Variants in LIG1 observed in about 807,000 individuals in gnomAD.
LIG1 encodes the protein DNA ligase 1, also known as ligase I, DNA, ATP-dependent.
In LIG1, 70 loss-of-function variants were observed where a neutral mutation model predicts 115.7. That is an observed-to-expected ratio of 0.60 (90% CI 0.50 to 0.74). LIG1 has a LOEUF of 0.74. Among genes scored for constraint, LIG1 ranks in the 30% least tolerant of loss-of-function variants. LIG1 has a pLI of 0.00. For missense variants in LIG1, 1,115 were observed against 1,225.6 expected, an observed-to-expected ratio of 0.91 and a Z score of 1.35; for synonymous variants, 487 against 495.3, an observed-to-expected ratio of 0.98 and a Z score of 0.22.
chr19:48,157,236 A>C, intron 4 of LIG1, 96 bp from the exon 5 acceptor site: 1 of 1,361,274 alleles, frequency 7.3e-7, no homozygotes, highest in Non-Finnish European at 1.0e-6. Context: ...CTCTCTGTCT[A>C]CCCTCCTTTC....
intron 19 of LIG1, among the ~76,000 whole-genome samples, chr19:48,128,619 C>T (rs768396544): frequency 2.0e-5 from 3 of 152,208 alleles, no homozygotes; most frequent in African/African-American, 4.8e-5. Context: ...TTTGCATGTG[C>T]CGTTCCCTCT....
intron 9 of LIG1, among the ~76,000 whole-genome samples, 198 bp from the exon 10 acceptor site, chr19:48,144,161 C>A (rs1411224491): frequency 6.6e-6 from 1 of 152,092 alleles, no homozygotes; most frequent in African/African-American, 2.4e-5. Flanking sequence ...ATAAACACAT[C>A]ATTAATTTTA....
intron 15 of LIG1, 61 bp downstream of exon 15, chr19:48,135,973 G>A: frequency 2.2e-6 from 3 of 1,372,532 alleles, no homozygotes; most frequent in Non-Finnish European, 3.0e-6. Context: ...CCTCTGAAGA[G>A]GAGGGGGGAA....
chr19:48,137,459 A>C lies in LIG1; in HGVS notation c.1254+63T>G. 2 of 1,591,602 alleles carry C rather than the reference A, an allele frequency of 1.3e-6. No individual in the cohort carries two copies. Among genetic ancestry groups the C allele is most frequent in the Non-Finnish European group, 1.7e-6 (2 of 1,172,822 alleles). ...TGGTCTACCCAGAAGCCTTCCTGAC[A>C]CACGCGTGGCCTCAGGTCCCCAAGA... On this transcript the variant is annotated intron_variant, in intron 13 of 27. Coordinates refer to ENST00000263274, the MANE Select transcript of LIG1 (RefSeq NM_000234.3). The surrounding 1 kb of genome is among the most constrained non-coding windows in gnomAD (Gnocchi z 4.3).
chr19:48,163,811 G>A (rs532644738), intron 2 of LIG1, among the ~76,000 whole-genome samples: 1 of 152,052 alleles, frequency 6.6e-6, no homozygotes, highest in South Asian at 2.1e-4. Context: ...TGGGTGTGGT[G>A]GCAGGCGCCT....
At chr19:48,136,696 T>G (rs191137695) in intron 14 of LIG1, among the ~76,000 whole-genome samples, 2 of 152,330 alleles carry the variant, frequency 1.3e-5, no homozygotes, top group Non-Finnish European at 2.9e-5. Flanking sequence ...CTCACTGTCA[T>G]GGCAAACAAA....
chr19:48,158,378 G>A (rs1284133508), intron 4 of LIG1, among the ~76,000 whole-genome samples: 1 of 152,096 alleles, frequency 6.6e-6, no homozygotes, highest in Non-Finnish European at 1.5e-5. Flanking sequence ...CTGGGCCTCT[G>A]ACCCTGTGAG....
intron 27 of LIG1, 28 bp downstream of exon 27, chr19:48,115,845 G>A (rs778962963): frequency 1.8e-5 from 28 of 1,599,570 alleles, no homozygotes; most frequent in South Asian, 1.7e-4. Flanking sequence ...GCAGCTGGGC[G>A]GCCCACCCCT....
At chr19:48,160,010 C>T (rs1037706756) in intron 4 of LIG1, among the ~76,000 whole-genome samples, 3 of 152,346 alleles carry the variant, frequency 2.0e-5, no homozygotes, top group Admixed American at 6.5e-5. Context: ...AGCCACCACA[C>T]CCAGCCACTT....
rs367698594 is a variant in LIG1 at position 48,122,839 on chromosome 19, A to C, written c.2232+95T>G. 2 of 1,126,686 alleles carry C rather than the reference A, an allele frequency of 1.8e-6. No homozygotes were observed. The highest frequency in any genetic ancestry group is 3.1e-5 in the African/African-American group (2 of 65,382). 69.8% of individuals were successfully genotyped at this position (1,126,686 alleles called of 1,614,324 possible). On this transcript the variant is annotated intron_variant, in intron 23 of 27. Transcript: ENST00000263274. This position sits in a 1 kb window ranked among gnomAD's most constrained non-coding sequence, Gnocchi z 4.3. Reference sequence around the variant, plus strand: ...TTGTGAAAAGGGGCCCTGAGCTCAGACAGGGTACACAGTGGAGGCTCGAAA... The same window carrying C: ...TTGTGAAAAGGGGCCCTGAGCTCAGCCAGGGTACACAGTGGAGGCTCGAAA...
chr19:48,119,217 G>A (rs1277593899), intron 24 of LIG1, 27 bp from the exon 25 acceptor site: 1 of 1,569,284 alleles, frequency 6.4e-7, no homozygotes, highest in Admixed American at 1.8e-5. Context: ...GGAGGTCAGA[G>A]GCTCAGCCAG....
At chr19:48,149,038 A>C (rs3730917) in intron 9 of LIG1, among the ~76,000 whole-genome samples, 43,639 of 152,096 alleles carry the variant, frequency 0.29, 8,203 homozygotes, top group African/African-American at 0.54. Flanking sequence ...GGCCAGGTGT[A>C]CTGGCTCACG....
chr19:48,121,317 C>G lies in LIG1; in HGVS notation c.2238G>C (p.Lys746Asn). 1 of 1,598,244 alleles carries G rather than the reference C, an allele frequency of 6.3e-7. No individual in the cohort carries two copies. Among genetic ancestry groups the G allele is most frequent in the Non-Finnish European group, 8.6e-7 (1 of 1,168,828 alleles). The change falls in exon 24 of 28, where the codon AAG (lysine) becomes AAC (asparagine). Residue 746 changes from lysine to asparagine, a missense_variant. Coordinates refer to ENST00000263274, the MANE Select transcript of LIG1 (RefSeq NM_000234.3). ...CACCCACGCCATCAAGGTAGTCCTT[C>G]TTCAGCTGGGAGAAGGGGAGGCAAG... is the stretch of plus-strand genomic sequence containing the variant. ...AKRSHNWLKL[K>N]KDYLDGVGDT... is the part of the protein sequence containing the mutation.
intron 11 of LIG1, among the ~76,000 whole-genome samples, chr19:48,140,967 G>A (rs1288679919): frequency 5.9e-5 from 9 of 152,216 alleles, no homozygotes; most frequent in South Asian, 2.1e-4. Context: ...CAGTTCCCCC[G>A]TCTAGATAAA....
chr19:48,143,853 G>C (rs1352198982), intron 10 of LIG1, 30 bp downstream of exon 10: 2 of 1,578,736 alleles, frequency 1.3e-6, no homozygotes, highest in African/African-American at 1.3e-5. Flanking sequence ...GGGACCGGAG[G>C]GGGACAGTCT....
In LIG1 at chr19:48,136,983, T is replaced by C. The variant is rs770910931; in HGVS notation, c.1331+25A>G. 51 of 1,590,258 alleles carry C rather than the reference T, an allele frequency of 3.2e-5. No homozygotes were observed. In the South Asian group the frequency reaches 5.3e-4, roughly 17 times the overall value. ...CCTCCGAGCCTGCAGTCCCCCTCTGTAGCCTCACAGGCCCACACGCTTACC... is the reference window on the plus strand; with the variant it reads ...CCTCCGAGCCTGCAGTCCCCCTCTGCAGCCTCACAGGCCCACACGCTTACC... On this transcript the variant is annotated intron_variant, in intron 14 of 27. Transcript: ENST00000263274.
intron 1 of LIG1, chr19:48,169,709 T>G: frequency 1.5e-5 from 2 of 131,148 alleles, no homozygotes; most frequent in East Asian, 2.3e-4. Flanking sequence ...CCCTCAGCAC[T>G]TCCAGGTGGC....
chr19:48,152,546 A>G (rs1025020300), intron 6 of LIG1, among the ~76,000 whole-genome samples: 46 of 152,312 alleles, frequency 3.0e-4, no homozygotes, highest in Admixed American at 6.5e-4. Flanking sequence ...CAGGCCCCAG[A>G]TGATCAATCG....
chr19:48,142,458 C>G (rs866474476), intron 11 of LIG1, among the ~76,000 whole-genome samples: 3 of 71,700 alleles, frequency 4.2e-5, no homozygotes, highest in Middle Eastern at 7.5e-3. Context: ...AAAAAAAAAA[C>G]AGAGTGCTGG....
Sources: gnomAD v4.1 joint callset for allele counts (sites outside exome capture counted in the v4.1 genomes callset) on GRCh38, gnomAD v4.1.1 for gene constraint, Gnocchi (gnomAD v3.1) non-coding constraint, MANE v1.5 for transcripts, NCBI Gene and HGNC (gene_info 2026-07-23, HGNC 2026-07-21) for gene names.